The following ERC2 variants were observed in gnomAD, a reference collection of about 807,000 sequenced individuals.
ERC2 encodes the protein ELKS/RAB6-interacting/CAST family member 2, also known as ERC protein 2.
In ERC2, 42 loss-of-function variants were observed where a neutral mutation model predicts 114.8. That is an observed-to-expected ratio of 0.37 (90% CI 0.29 to 0.47). ERC2 has a LOEUF of 0.47. ERC2 is among the 20% of genes least tolerant of loss of function. The probability of loss-of-function intolerance (pLI) is 0.99; values close to 1 mark genes in which losing one functional copy is unlikely to be tolerated. For missense variants in ERC2, 939 were observed against 1,150.7 expected (o/e 0.82, Z 2.66); for synonymous variants, 454 against 425.5 (o/e 1.07, Z -0.82).
intron 17 of ERC2, among the ~76,000 whole-genome samples, chr3:55,536,559 AC>A (rs1470701465): frequency 6.6e-6 from 1 of 152,216 alleles, no homozygotes; most frequent in Admixed American, 6.5e-5. Flanking sequence ...GTCTTGCAGG[AC>A]CCAAGTTTGT....
At chr3:56,214,125 G>A (rs538064852) in intron 3 of ERC2, among the ~76,000 whole-genome samples, 160 of 151,968 alleles carry the variant, frequency 1.1e-3, no homozygotes, top group African/African-American at 3.4e-3. Flanking sequence ...ATGCAGCAAC[G>A]GAACAAAGCT....
intron 3 of ERC2, among the ~76,000 whole-genome samples, chr3:56,283,577 A>G (rs1576261002): frequency 6.6e-6 from 1 of 152,230 alleles, no homozygotes; most frequent in East Asian, 1.9e-4. Context: ...ACCCTTTACA[A>G]ATAAATCACC....
At chr3:56,178,348 C>A (rs974516969) in intron 3 of ERC2, among the ~76,000 whole-genome samples, 2 of 152,170 alleles carry the variant, frequency 1.3e-5, no homozygotes, top group African/African-American at 2.4e-5. Context: ...TAACAAACCA[C>A]CCCAAACTTA....
At chr3:56,416,281 A>G (rs2061150926) in intron 2 of ERC2, among the ~76,000 whole-genome samples, 1 of 152,166 alleles carries the variant, frequency 6.6e-6, no homozygotes, top group African/African-American at 2.4e-5. Context: ...GGTTTGAAGA[A>G]TAGAAATCTC....
chr3:56,260,133 A>G (rs1484052971), intron 3 of ERC2, among the ~76,000 whole-genome samples: 2 of 152,076 alleles, frequency 1.3e-5, no homozygotes, highest in Non-Finnish European at 2.9e-5. Flanking sequence ...TTCCAGCCAC[A>G]CTGCTCAGTC....
chr3:56,433,456 G>C (rs2061884020), intron 2 of ERC2, among the ~76,000 whole-genome samples: 1 of 152,242 alleles, frequency 6.6e-6, no homozygotes, highest in Non-Finnish European at 1.5e-5. Flanking sequence ...GCAAGAGCAA[G>C]GGCATGGCAG....
chr3:56,274,211 C>T (rs149024326), intron 3 of ERC2, among the ~76,000 whole-genome samples: 174 of 152,258 alleles, frequency 1.1e-3, no homozygotes, highest in African/African-American at 3.9e-3. Flanking sequence ...TTGTGAACTG[C>T]GCATACAAGG....
intron 15 of ERC2, among the ~76,000 whole-genome samples, chr3:55,721,273 T>G (rs1283713214): frequency 2.6e-5 from 4 of 152,242 alleles, no homozygotes; most frequent in Non-Finnish European, 5.9e-5. Context: ...TTCAAGTTTT[T>G]GTGGGGACTA....
chr3:55,993,059 C>CT (rs958980403), intron 10 of ERC2, among the ~76,000 whole-genome samples: 15 of 149,522 alleles, frequency 1.0e-4, no homozygotes, highest in East Asian at 5.9e-4. Flanking sequence ...TGCGTTACAG[C>CT]TTTTTTTTTT....
chr3:56,285,366 G>A (rs1298894658), intron 3 of ERC2, among the ~76,000 whole-genome samples: 1 of 151,756 alleles, frequency 6.6e-6, no homozygotes, highest in East Asian at 1.9e-4. Context: ...GGGGAAGAGT[G>A]TAAGTGCTAA....
intron 14 of ERC2, among the ~76,000 whole-genome samples, chr3:55,740,523 T>C (rs897570124): frequency 3.3e-5 from 5 of 152,112 alleles, no homozygotes; most frequent in East Asian, 1.9e-4. Context: ...TTGATTGAGA[T>C]CTACATTCAA....
chr3:55,598,389 T>C (rs2058247662), intron 17 of ERC2, among the ~76,000 whole-genome samples: 1 of 152,238 alleles, frequency 6.6e-6, no homozygotes, highest in African/African-American at 2.4e-5. Flanking sequence ...AATGGCTGAA[T>C]TCTCAAGTTT....
chr3:56,395,036 C>T (rs2060256191), intron 2 of ERC2, among the ~76,000 whole-genome samples: 1 of 144,914 alleles, frequency 6.9e-6, no homozygotes, highest in Non-Finnish European at 1.5e-5. Flanking sequence ...AAAAACATCA[C>T]ACTAAGTAAA....
At chr3:55,941,228 T>C (rs141311768) in intron 13 of ERC2, among the ~76,000 whole-genome samples, 1,553 of 152,268 alleles carry the variant, frequency 0.01, 31 homozygotes, top group African/African-American at 0.035. Context: ...CAGTTGCGTG[T>C]ACCTGCCATG....
At chr3:56,037,610 C>T (rs1032847767) in intron 7 of ERC2, among the ~76,000 whole-genome samples, 5 of 152,130 alleles carry the variant, frequency 3.3e-5, no homozygotes, top group African/African-American at 4.8e-5. Flanking sequence ...GAGAATGGAA[C>T]CAAGTTGGAA....
At chr3:55,654,720 G>A (rs1259820008) in intron 17 of ERC2, among the ~76,000 whole-genome samples, 1 of 152,244 alleles carries the variant, frequency 6.6e-6, no homozygotes, top group Non-Finnish European at 1.5e-5. Context: ...ACGAGAAGGA[G>A]ACCGGAGGCA....
At chr3:56,436,231 G>A (rs1386142112) in intron 1 of ERC2, among the ~76,000 whole-genome samples, 1 of 152,176 alleles carries the variant, frequency 6.6e-6, no homozygotes, top group Admixed American at 6.5e-5. Context: ...AACCAGCTGA[G>A]TAACCTTAGA....
chr3:56,045,346 A>G (rs558337255), intron 7 of ERC2, among the ~76,000 whole-genome samples: 2 of 152,310 alleles, frequency 1.3e-5, no homozygotes, highest in South Asian at 4.1e-4. Flanking sequence ...GTGGGAAGAT[A>G]ATTTACTAAT....
chr3:56,261,434 G>T (rs1402998888), intron 3 of ERC2, among the ~76,000 whole-genome samples: 1 of 152,086 alleles, frequency 6.6e-6, no homozygotes, highest in Non-Finnish European at 1.5e-5. Context: ...TCTACAAGAA[G>T]GGGAAGCCTC....
Sources: allele counts gnomAD v4.1 joint callset (sites outside exome capture counted in the v4.1 genomes callset), GRCh38; gene constraint gnomAD v4.1.1; transcripts MANE v1.5; gene names NCBI Gene and HGNC (gene_info 2026-07-23, HGNC 2026-07-21).